Variants in ZCWPW2 observed in about 807,000 individuals in gnomAD.
The protein encoded by ZCWPW2 is zinc finger CW-type PWWP domain protein 2.
In ZCWPW2, 45 loss-of-function variants were observed where a neutral mutation model predicts 46.6. The observed-to-expected ratio is 0.96, with a 90% confidence interval of 0.76 to 1.24. The LOEUF (loss-of-function observed/expected upper bound fraction) is 1.24, where lower values mean the gene tolerates loss of function less well. ZCWPW2 is among the 50% of genes most tolerant of loss of function. ZCWPW2 has a pLI of 0.00. For synonymous variants in ZCWPW2, 152 were observed against 137.1 expected (o/e 1.11, Z -0.76); for missense variants, 429 against 403.9 (o/e 1.06, Z -0.53).
At position 28,444,532 on chromosome 3, in the gene ZCWPW2, A is replaced by G. The variant is rs1697908397; in HGVS notation, c.492+9263A>G. ...CATCAGGGTCCTCCCACATGTCCCC[A>G]TTCCACATTGCAGGGTCCCATTCTT... On this transcript the variant is annotated intron_variant, in intron 4 of 9. Coordinates refer to ENST00000383768, the MANE Select transcript of ZCWPW2 (RefSeq NM_001040432.4). 2.0e-5 allele frequency among the ~76,000 whole-genome samples: 3 copies of G among 152,144 alleles called. No individual in the cohort carries two copies. In the South Asian group the frequency reaches 6.2e-4, roughly 31 times the overall value.
At chr3:28,514,474 A>T (rs1700511629) in intron 7 of ZCWPW2, among the ~76,000 whole-genome samples, 1 of 152,212 alleles carries the variant, frequency 6.6e-6, no homozygotes, top group Admixed American at 6.5e-5. Flanking sequence ...GTGGAAACTG[A>T]CATAGTGAGG....
At chr3:28,356,276 G>A (rs958292685) in intron 1 of ZCWPW2, among the ~76,000 whole-genome samples, 1 of 152,216 alleles carries the variant, frequency 6.6e-6, no homozygotes, top group Non-Finnish European at 1.5e-5. Context: ...GGCCATCAGA[G>A]AAATGCAAAT....
At chr3:28,446,802 C>T (rs1698009097) in intron 4 of ZCWPW2, among the ~76,000 whole-genome samples, 1 of 151,910 alleles carries the variant, frequency 6.6e-6, no homozygotes, top group South Asian at 2.1e-4. Flanking sequence ...AGAAAAGACT[C>T]AAATTACTAA....
At chr3:28,522,943 T>C (rs189782129) in intron 9 of ZCWPW2, among the ~76,000 whole-genome samples, 2 of 152,302 alleles carry the variant, frequency 1.3e-5, no homozygotes, top group Admixed American at 6.5e-5. Flanking sequence ...TAGCGGTTTC[T>C]TTTCAAAAAT....
At chr3:28,376,905 T>C (rs1358312594) in intron 1 of ZCWPW2, among the ~76,000 whole-genome samples, 4 of 152,152 alleles carry the variant, frequency 2.6e-5, no homozygotes. Flanking sequence ...ACAATTTGCT[T>C]TCTTTATTTA....
At chr3:28,475,940 A>G (rs1010745237) in intron 4 of ZCWPW2, among the ~76,000 whole-genome samples, 2 of 152,008 alleles carry the variant, frequency 1.3e-5, no homozygotes, top group Non-Finnish European at 2.9e-5. Context: ...CTTGTTATAT[A>G]TTGTCTCTTC....
chr3:28,443,497 A>G (rs1348242842), intron 4 of ZCWPW2, among the ~76,000 whole-genome samples: 1 of 152,158 alleles, frequency 6.6e-6, no homozygotes, highest in African/African-American at 2.4e-5. Context: ...TTCTGCTTGT[A>G]TAAATTAAGT....
At chr3:28,500,664 C>T (rs1274602177) in intron 6 of ZCWPW2, among the ~76,000 whole-genome samples, 3 of 152,066 alleles carry the variant, frequency 2.0e-5, no homozygotes, top group African/African-American at 7.2e-5. Context: ...TTTTCATTAG[C>T]CCAATTAACA....
At chr3:28,455,174 A>G (rs1387609542) in intron 4 of ZCWPW2, among the ~76,000 whole-genome samples, 2 of 152,180 alleles carry the variant, frequency 1.3e-5, no homozygotes, top group Admixed American at 6.5e-5. Context: ...AGTAATAGCC[A>G]TTCTGACTGG....
At chr3:28,434,492 G>C (rs1167130660) in intron 3 of ZCWPW2, among the ~76,000 whole-genome samples, 1 of 152,146 alleles carries the variant, frequency 6.6e-6, no homozygotes, top group Non-Finnish European at 1.5e-5. Flanking sequence ...TTTTAATAAA[G>C]AATAAATTTT....
intron 2 of ZCWPW2, among the ~76,000 whole-genome samples, chr3:28,395,167 A>T (rs1030287150): frequency 6.6e-6 from 1 of 152,142 alleles, no homozygotes; most frequent in South Asian, 2.1e-4. Context: ...AAGATGTTCA[A>T]CATCAATAAT....
intron 1 of ZCWPW2, among the ~76,000 whole-genome samples, chr3:28,373,243 T>C (rs1003450119): frequency 6.6e-6 from 1 of 152,176 alleles, no homozygotes; most frequent in Admixed American, 6.6e-5. Context: ...CTCTTTTACA[T>C]AGCAGCTATA....
intron 3 of ZCWPW2, among the ~76,000 whole-genome samples, chr3:28,419,961 T>C (rs1178703094): frequency 1.4e-5 from 2 of 138,254 alleles, no homozygotes; most frequent in Non-Finnish European, 3.1e-5. Flanking sequence ...CATTCGGAGA[T>C]ATACCTAACG....
intron 4 of ZCWPW2, among the ~76,000 whole-genome samples, chr3:28,472,687 C>T (rs1021018275): frequency 2.0e-5 from 3 of 152,040 alleles, no homozygotes; most frequent in Non-Finnish European, 4.4e-5. Context: ...TAATATACCC[C>T]ACAAGCACAG....
chr3:28,349,656 G>T (rs1704459357), intron 1 of ZCWPW2, among the ~76,000 whole-genome samples: 1 of 152,146 alleles, frequency 6.6e-6, no homozygotes, highest in South Asian at 2.1e-4. Flanking sequence ...ACAAGTAGTT[G>T]AATTAATTAG....
chr3:28,493,132 T>A (rs907484698), intron 6 of ZCWPW2, among the ~76,000 whole-genome samples: 1 of 112,402 alleles, frequency 8.9e-6, no homozygotes, highest in Non-Finnish European at 1.8e-5. Flanking sequence ...TATTTTTTTT[T>A]ATTTTATTTT....
chr3:28,387,008 G>A (rs1044682377), intron 1 of ZCWPW2, among the ~76,000 whole-genome samples: 2 of 152,180 alleles, frequency 1.3e-5, no homozygotes, highest in African/African-American at 4.8e-5. Flanking sequence ...CTGAATATCA[G>A]TAGACTACCG....
chr3:28,474,717 C>T (rs1324018526), intron 4 of ZCWPW2, among the ~76,000 whole-genome samples: 3 of 151,898 alleles, frequency 2.0e-5, no homozygotes, highest in Non-Finnish European at 2.9e-5. Context: ...ATTTTCATAT[C>T]CAACTGCTAC....
rs76286112 is a variant in ZCWPW2 at position 28,397,798 on chromosome 3, A to G, written c.-14+7181A>G. The stretch of plus-strand genomic sequence containing the variant: ...TTATGAATGTCACTTAAAGCTATAC[A>G]TACCTATAATAATCGTACTGTTATT... On this transcript the variant is annotated intron_variant, in intron 2 of 9. Transcript: ENST00000383768. Among the ~76,000 whole-genome samples, 246 of 152,350 alleles carry G rather than the reference A, an allele frequency of 1.6e-3. 3 individuals are homozygous for G. Among genetic ancestry groups the G allele is most frequent in the African/African-American group, 5.6e-3 (231 of 41,600 alleles).
Sources: allele counts gnomAD v4.1 joint callset (sites outside exome capture counted in the v4.1 genomes callset), GRCh38; gene constraint gnomAD v4.1.1; transcripts MANE v1.5; gene names NCBI Gene and HGNC (gene_info 2026-07-23, HGNC 2026-07-21).